The following CTCF variants were observed in gnomAD, a reference collection of about 807,000 sequenced individuals.
CTCF encodes the protein transcriptional repressor CTCF.
A neutral mutation model predicts 72.3 loss-of-function variants in CTCF; 7 were observed. The ratio of observed to expected loss-of-function variants is 0.10; its 90% CI spans 0.06 to 0.18. CTCF has a LOEUF of 0.18. CTCF is among the 10% of genes least tolerant of loss of function. CTCF has a pLI of 1.00. For synonymous variants in CTCF, 374 were observed against 315.8 expected, an observed-to-expected ratio of 1.18 and a Z score of -1.95; for missense variants, 516 against 949.1, an observed-to-expected ratio of 0.54 and a Z score of 6.00.
In CTCF at chr16:67,637,625, A is replaced by T. The variant is rs1597734066; in HGVS notation, c.2000-63A>T. 10 of 1,451,126 alleles carry T rather than the reference A, an allele frequency of 6.9e-6. No individual in the cohort carries two copies. The East Asian group carries it at 2.3e-4, about 33-fold the overall frequency. 89.9% of individuals were successfully genotyped at this position (1,451,126 alleles called of 1,614,324 possible). A position where few individuals can be genotyped will look rare whatever the true frequency, so the allele number is the denominator to read the frequency against. ...ACATCCCGTTCGCTGTCAGTCTAAAAGACCCTTGTGATTCTTGGGGCTTTA... is the reference window on the plus strand; with the variant it reads ...ACATCCCGTTCGCTGTCAGTCTAAATGACCCTTGTGATTCTTGGGGCTTTA... On this transcript the variant is annotated intron_variant, in intron 11 of 11. Transcript: ENST00000264010.
intron 5 of CTCF, among the ~76,000 whole-genome samples, chr16:67,617,510 A>T (rs1244786614): frequency 6.6e-6 from 1 of 151,934 alleles, no homozygotes; most frequent in Non-Finnish European, 1.5e-5. Context: ...CTCAAAAAAT[A>T]ATAATAAATA....
In CTCF at chr16:67,637,839, G is replaced by A. The variant is rs202015829; in HGVS notation, c.2151G>A (p.Thr717=). 689 of 1,612,324 alleles carry A rather than the reference G, an allele frequency of 4.3e-4. 4 individuals carry two copies. The highest frequency in any genetic ancestry group is 1.3e-4 in the Non-Finnish European group (154 of 1,179,926). ...AATDAPNGDL[T]PEMILSMMDR ...CAGATGCCCCCAACGGAGACCTCAC[G>A]CCCGAGATGATCCTCAGCATGATGG... is the stretch of plus-strand genomic sequence containing the variant. Residue 717 remains threonine (T), a synonymous_variant, in exon 12 of 12, where the codon ACG becomes ACA. Transcript: ENST00000264010.
At chr16:67,588,215 C>T (rs1188554777) in intron 2 of CTCF, among the ~76,000 whole-genome samples, 1 of 152,170 alleles carries the variant, frequency 6.6e-6, no homozygotes, top group African/African-American at 2.4e-5. Flanking sequence ...GCTCAGGCAG[C>T]ATCTGTCCAA....
chr16:67,614,175 C>T (rs1397834030), intron 4 of CTCF, among the ~76,000 whole-genome samples: 2 of 151,126 alleles, frequency 1.3e-5, no homozygotes, highest in Admixed American at 1.3e-4. Context: ...GACGAAACCT[C>T]GTCTCTACTA....
chr16:67,592,901 C>T (rs1319562665), intron 2 of CTCF, among the ~76,000 whole-genome samples: 3 of 151,642 alleles, frequency 2.0e-5, no homozygotes, highest in Non-Finnish European at 4.4e-5. Flanking sequence ...GTGGCATGTG[C>T]CTGTAGTCCC....
intron 5 of CTCF, among the ~76,000 whole-genome samples, chr16:67,617,432 G>C (rs2052146347): frequency 6.6e-6 from 1 of 152,190 alleles, no homozygotes; most frequent in Non-Finnish European, 1.5e-5. Flanking sequence ...CCCAGAGGCA[G>C]AGCTTGCAGT....
chr16:67,602,219 T>G (rs563481960), intron 2 of CTCF, among the ~76,000 whole-genome samples: 2 of 152,270 alleles, frequency 1.3e-5, no homozygotes, highest in African/African-American at 4.8e-5. Flanking sequence ...AGAGACCAGA[T>G]AGAATTTTTT....
At chr16:67,627,645 AAAAC>A (rs1258146808) in intron 8 of CTCF, 1 of 151,242 alleles carries the variant, frequency 6.6e-6, no homozygotes, top group Non-Finnish European at 1.5e-5. Context: ...CTAAAAAAAA[AAAAC>A]AAAAAAACAC....
chr16:67,618,181 G>C (rs1344600780), intron 5 of CTCF, among the ~76,000 whole-genome samples: 1 of 152,212 alleles, frequency 6.6e-6, no homozygotes, highest in Non-Finnish European at 1.5e-5. Context: ...GAGGTGGGCA[G>C]ATCACCTGAG....
chr16:67,611,883 TTTAAGA>T lies in CTCF; in HGVS notation c.782-64_782-59del, dbSNP rs561968574. 383 of 1,375,930 alleles carry T rather than the reference TTTAAGA, an allele frequency of 2.8e-4. No individual in the cohort carries two copies. In the African/African-American group the frequency reaches 3.6e-3, roughly 13 times the overall value. The allele number at this position is 1,375,930 out of a possible 1,614,324, so 85.2% of individuals were successfully genotyped here. On this transcript the variant is annotated intron_variant, in intron 3 of 11. Coordinates refer to ENST00000264010, the MANE Select transcript of CTCF (RefSeq NM_006565.4). ...AGCTAATCAAATATATTTGTAGAAA[TTTAAGA>T]TTAGGATTAATCTTAACACTTTGAA... is the stretch of plus-strand genomic sequence containing the variant.
chr16:67,563,618 G>A (rs1396052461), intron 1 of CTCF: 1 of 152,200 alleles, frequency 6.6e-6, no homozygotes, highest in Non-Finnish European at 1.5e-5. Context: ...GCACCAAGTA[G>A]TTTTTATCCA....
intron 10 of CTCF, among the ~76,000 whole-genome samples, chr16:67,631,372 C>T (rs1393890771): frequency 6.6e-6 from 1 of 151,978 alleles, no homozygotes; most frequent in African/African-American, 2.4e-5. Context: ...ACCATGTTGG[C>T]CAGGCTGGTC....
At chr16:67,622,418 C>T (rs978290101) in intron 7 of CTCF, among the ~76,000 whole-genome samples, 6 of 151,912 alleles carry the variant, frequency 3.9e-5, no homozygotes, top group Non-Finnish European at 7.4e-5. Flanking sequence ...CATATCTACT[C>T]CCAATAATTA....
At position 67,612,183 on chromosome 16, in the gene CTCF, C is replaced by G. The variant is rs2052070235; in HGVS notation, c.952+62C>G. 4.1e-6 allele frequency: 6 copies of G among 1,479,366 alleles called. No individual in the cohort carries two copies. In the Admixed American group the frequency reaches 1.3e-4, roughly 33 times the overall value. 91.6% of individuals were successfully genotyped at this position (1,479,366 alleles called of 1,614,324 possible). On this transcript the variant is annotated intron_variant, in intron 4 of 11. Transcript: ENST00000264010. ...TGCTCAGACTTCGCTTTTTAGTATTCATTCAAGCTGACTCCAGCGGGAATT... is the reference window on the plus strand; with the variant it reads ...TGCTCAGACTTCGCTTTTTAGTATTGATTCAAGCTGACTCCAGCGGGAATT...
intron 2 of CTCF, among the ~76,000 whole-genome samples, chr16:67,604,711 T>A (rs2051945992): frequency 6.7e-6 from 1 of 150,356 alleles, no homozygotes; most frequent in African/African-American, 2.5e-5. Context: ...AATAGATTAC[T>A]AAAATTAATT....
At chr16:67,584,337 C>CTTTTTTTTT (rs904086024) in intron 2 of CTCF, among the ~76,000 whole-genome samples, 21 of 105,836 alleles carry the variant, frequency 2.0e-4, no homozygotes, top group African/African-American at 8.1e-4. Context: ...AAAAAGTCTT[C>CTTTTTTTTT]TTTTTTTTTT....
chr16:67,611,132 T>C lies in CTCF; in HGVS notation c.300T>C (p.Val100=), dbSNP rs1461524237. The C allele has an allele frequency of 1.9e-6, 3 of 1,614,194 alleles. No individual in the cohort carries two copies. The highest frequency in any genetic ancestry group is 1.3e-5 in the African/African-American group (1 of 75,056). Residue 100 remains valine (V), a synonymous_variant, in exon 3 of 12, where the codon GTT becomes GTC. Coordinates refer to ENST00000264010, the MANE Select transcript of CTCF (RefSeq NM_006565.4). ...ATACCCAGATTATAACTTTACAGGT[T>C]GTAAATATGGAGGAACAGCCCATAA... ...VDDTQIITLQ[V]VNMEEQPINI...
rs567894660 is a variant in CTCF, at chr16:67,606,290, G to C, written c.-9-4534G>C. 9.2e-5 allele frequency among the ~76,000 whole-genome samples: 14 copies of C among 152,274 alleles called. No homozygotes were observed. In the South Asian group the frequency reaches 2.7e-3, roughly 29 times the overall value. On this transcript the variant is annotated intron_variant, in intron 2 of 11. Coordinates refer to ENST00000264010, the MANE Select transcript of CTCF (RefSeq NM_006565.4). ...CAGAATACATCCTCTGCCCTCCACT[G>C]TCAAACTCTGCCTTTAAATGTCCTG... is the stretch of plus-strand genomic sequence containing the variant.
intron 1 of CTCF, among the ~76,000 whole-genome samples, chr16:67,567,288 G>T (rs1273930773): frequency 6.6e-6 from 1 of 152,182 alleles, no homozygotes; most frequent in East Asian, 1.9e-4. Flanking sequence ...AAAGGTGAGG[G>T]TTAGGATGGT....
Sources: allele counts gnomAD v4.1 joint callset (sites outside exome capture counted in the v4.1 genomes callset), GRCh38; gene constraint gnomAD v4.1.1; transcripts MANE v1.5; gene names NCBI Gene and HGNC (gene_info 2026-07-23, HGNC 2026-07-21).